The following RCOR3 variants were observed in gnomAD, a reference collection of about 807,000 sequenced individuals.
The protein encoded by RCOR3 is REST corepressor 3.
Under a neutral mutation model 64.1 loss-of-function variants are expected in RCOR3, and 13 were observed. The ratio of observed to expected loss-of-function variants is 0.20; its 90% CI spans 0.13 to 0.32. The LOEUF (loss-of-function observed/expected upper bound fraction) is 0.32, where lower values mean the gene tolerates loss of function less well. Among genes scored for constraint, RCOR3 ranks in the 10% least tolerant of loss-of-function variants. The pLI, the probability that RCOR3 is intolerant of heterozygous loss-of-function variation, is 1.00. For missense variants in RCOR3, 489 were observed against 701.2 expected (o/e 0.70, Z 3.42); for synonymous variants, 215 against 239.0 (o/e 0.90, Z 0.93).
intron 10 of RCOR3, among the ~76,000 whole-genome samples, chr1:211,310,996 A>G (rs1334640437): frequency 2.0e-5 from 3 of 152,200 alleles, no homozygotes; most frequent in Non-Finnish European, 2.9e-5. Context: ...TCACTGCAGC[A>G]AACTCAAATT....
Position 211,313,220 on chromosome 1 carries a change from G to A in RCOR3, c.1318-204G>A. ...TGTTAAGCTGTTTACAAATAAAGAT[G>A]CCTGTTTGGTAGCCTCATTGGTTTT... On this transcript the variant is annotated intron_variant, in intron 11 of 11. Coordinates refer to ENST00000419091, the MANE Select transcript of RCOR3 (RefSeq NM_001136223.3). This position sits in a 1 kb window ranked among gnomAD's most constrained non-coding sequence, Gnocchi z 4.7. 7.0e-7 allele frequency: 1 copy of A among 1,429,526 alleles called. No individual in the cohort carries two copies. Among genetic ancestry groups the A allele is most frequent in the South Asian group, 1.6e-5 (1 of 63,812 alleles). The allele number at this position is 1,429,526 out of a possible 1,614,324, so 88.6% of individuals were successfully genotyped here. A position where few individuals can be genotyped will look rare whatever the true frequency, so the allele number is the denominator to read the frequency against.
intron 1 of RCOR3, 179 bp downstream of exon 1, chr1:211,259,905 C>G (rs1693896853): frequency 3.8e-6 from 4 of 1,056,724 alleles, no homozygotes; most frequent in Non-Finnish European, 5.2e-6. Context: ...CCTCCGCCCT[C>G]GACCAATCCT....
intron 2 of RCOR3, among the ~76,000 whole-genome samples, chr1:211,267,329 A>G (rs995659965): frequency 2.6e-5 from 4 of 152,228 alleles, no homozygotes; most frequent in African/African-American, 4.8e-5. Context: ...TTGCACTGAA[A>G]TATCCCTTAC....
At chr1:211,273,881 T>A (rs1390946681) in intron 3 of RCOR3, among the ~76,000 whole-genome samples, 1 of 152,168 alleles carries the variant, frequency 6.6e-6, no homozygotes, top group Non-Finnish European at 1.5e-5. Flanking sequence ...AAAAAGGAAT[T>A]ATCTTAATAT....
chr1:211,304,009 A>T (rs1700629137), intron 9 of RCOR3, 74 bp from the exon 10 acceptor site: 1 of 996,702 alleles, frequency 1.0e-6, no homozygotes, highest in South Asian at 1.6e-5. Context: ...TTTGATGAAA[A>T]TTTAAAAAAA....
Position 211,313,139 on chromosome 1 carries a change from G to A in RCOR3, c.1317+178G>A, listed in dbSNP as rs1482923530. On this transcript the variant is annotated intron_variant, in intron 11 of 11. Coordinates refer to ENST00000419091, the MANE Select transcript of RCOR3 (RefSeq NM_001136223.3). This position sits in a 1 kb window ranked among gnomAD's most constrained non-coding sequence, Gnocchi z 4.7. ...AAGTCATAATGACATGCTAAGTTCT[G>A]ATTCTAGAAGAATGGAGAGTGTATT... 6.8e-7 allele frequency: 1 copy of A among 1,477,150 alleles called. No individual in the cohort carries two copies. The highest frequency in any genetic ancestry group is 8.9e-7 in the Non-Finnish European group (1 of 1,122,904). The allele number at this position is 1,477,150 out of a possible 1,614,324, so 91.5% of individuals were successfully genotyped here. A position where few individuals can be genotyped will look rare whatever the true frequency, so the allele number is the denominator to read the frequency against.
At chr1:211,292,528 A>T (rs1262210886) in intron 8 of RCOR3, among the ~76,000 whole-genome samples, 1 of 152,158 alleles carries the variant, frequency 6.6e-6, no homozygotes, top group Admixed American at 6.5e-5. Context: ...TTAAGCTTTA[A>T]CTTCCTAACT....
chr1:211,311,107 T>A (rs1329440313), intron 10 of RCOR3, among the ~76,000 whole-genome samples: 2 of 152,160 alleles, frequency 1.3e-5, no homozygotes, highest in Non-Finnish European at 2.9e-5. Flanking sequence ...CAGTAACTCC[T>A]GTGAAATAAC....
chr1:211,261,417 C>T (rs1372823067), intron 2 of RCOR3, among the ~76,000 whole-genome samples: 1 of 152,160 alleles, frequency 6.6e-6, no homozygotes, highest in African/African-American at 2.4e-5. Context: ...AGAGTGTTCA[C>T]TAGATTTGGG....
intron 8 of RCOR3, among the ~76,000 whole-genome samples, chr1:211,295,280 T>C (rs536223785): frequency 6.6e-6 from 1 of 152,238 alleles, no homozygotes; most frequent in African/African-American, 2.4e-5. Flanking sequence ...AATGATGTTT[T>C]ATATATAATA....
chr1:211,261,214 A>G (rs1394963672), intron 2 of RCOR3: 2 of 152,156 alleles, frequency 1.3e-5, no homozygotes, highest in Non-Finnish European at 2.9e-5. Flanking sequence ...TTTCTTGGAG[A>G]GAAACAATGT....
intron 7 of RCOR3, among the ~76,000 whole-genome samples, chr1:211,285,444 G>T (rs1425115648): frequency 6.6e-6 from 1 of 152,176 alleles, no homozygotes; most frequent in East Asian, 1.9e-4. Context: ...AATCCCGGAA[G>T]CACTAAGTGG....
chr1:211,316,339 G>A lies in RCOR3; in HGVS notation c.*2571G>A, dbSNP rs1701863442. The A allele has an allele frequency of 6.6e-6, 1 of 152,122 alleles. No individual in the cohort carries two copies. Among genetic ancestry groups the A allele is most frequent in the East Asian group, 1.9e-4 (1 of 5,200 alleles). 9.4% of individuals were successfully genotyped at this position (152,122 alleles called of 1,614,324 possible). A position where few individuals can be genotyped will look rare whatever the true frequency, so the allele number is the denominator to read the frequency against. ...AACTTTTTATGTTCTTAATAAGCTT[G>A]CAATTGAGTAAAATAGAATATAAAA... On this transcript the variant is annotated 3_prime_UTR_variant, in exon 12 of 12. Coordinates refer to ENST00000419091, the MANE Select transcript of RCOR3 (RefSeq NM_001136223.3).
intron 2 of RCOR3, chr1:211,268,016 T>C (rs913203130): frequency 3.5e-5 from 10 of 283,320 alleles, no homozygotes; most frequent in Non-Finnish European, 6.3e-5. Context: ...GCAGGGAAAT[T>C]ATGTTTAAAT....
At chr1:211,262,496 ATAGT>A (rs1694493797) in intron 2 of RCOR3, among the ~76,000 whole-genome samples, 1 of 152,054 alleles carries the variant, frequency 6.6e-6, no homozygotes, top group African/African-American at 2.4e-5. Flanking sequence ...TTTGGTAGTG[ATAGT>A]TATTTCCAAA....
At chr1:211,268,899 G>A (rs1239218884) in intron 2 of RCOR3, among the ~76,000 whole-genome samples, 1 of 151,944 alleles carries the variant, frequency 6.6e-6, no homozygotes. Context: ...TTATAGCAAT[G>A]TATGATTTTT....
chr1:211,289,810 T>C (rs188034140), intron 8 of RCOR3, among the ~76,000 whole-genome samples: 75 of 152,320 alleles, frequency 4.9e-4, no homozygotes, highest in African/African-American at 1.8e-3. Context: ...GTAGTAGTAC[T>C]AGTAGTATTG....
intron 8 of RCOR3, among the ~76,000 whole-genome samples, chr1:211,289,821 T>C (rs1017838792): frequency 1.3e-5 from 2 of 152,196 alleles, no homozygotes; most frequent in African/African-American, 4.8e-5. Flanking sequence ...AGTAGTATTG[T>C]AAGGGCAGCA....
At chr1:211,260,073 AT>A in intron 1 of RCOR3, 34 bp from the exon 2 acceptor site, 1 of 1,514,126 alleles carries the variant, frequency 6.6e-7, no homozygotes, top group Non-Finnish European at 8.8e-7. Context: ...CTTCTTTTTT[AT>A]TTTTTATATA....
Sources: gnomAD v4.1 joint callset for allele counts (sites outside exome capture counted in the v4.1 genomes callset) on GRCh38, gnomAD v4.1.1 for gene constraint, Gnocchi (gnomAD v3.1) non-coding constraint, MANE v1.5 for transcripts, NCBI Gene and HGNC (gene_info 2026-07-23, HGNC 2026-07-21) for gene names.